RBFOX1: variants seen among roughly 807,000 people sequenced by gnomAD.
RBFOX1 encodes the protein RNA binding protein fox-1 homolog 1.
Under a neutral mutation model 57.7 loss-of-function variants are expected in RBFOX1, and 8 were observed. That is an observed-to-expected ratio of 0.14 (90% CI 0.08 to 0.25). RBFOX1 has a LOEUF of 0.25. Among genes scored for constraint, RBFOX1 ranks in the 10% least tolerant of loss-of-function variants. The probability of loss-of-function intolerance (pLI) is 1.00; values close to 1 mark genes in which losing one functional copy is unlikely to be tolerated. For synonymous variants in RBFOX1, 326 were observed against 222.4 expected (o/e 1.47, Z -4.15); for missense variants, 611 against 548.5 (o/e 1.11, Z -1.14).
chr16:5,992,995 T>A (rs1342714772), intron 4 of RBFOX1, among the ~76,000 whole-genome samples: 1 of 152,120 alleles, frequency 6.6e-6, no homozygotes. Context: ...CTTGAGTCAG[T>A]AGTAGGACAT....
chr16:5,874,285 C>A (rs1163973602), intron 4 of RBFOX1, among the ~76,000 whole-genome samples: 1 of 152,158 alleles, frequency 6.6e-6, no homozygotes, highest in Non-Finnish European at 1.5e-5. Flanking sequence ...GGTCCTCTGG[C>A]TTGAAGGAAA....
chr16:7,444,878 A>T (rs979725857), intron 4 of RBFOX1, among the ~76,000 whole-genome samples: 1 of 152,164 alleles, frequency 6.6e-6, no homozygotes, highest in Non-Finnish European at 1.5e-5. Context: ...GTCTGGGTGA[A>T]TGCAGATAGA....
intron 3 of RBFOX1, among the ~76,000 whole-genome samples, chr16:6,782,316 C>T (rs1475597227): frequency 6.6e-6 from 1 of 152,032 alleles, no homozygotes; most frequent in African/African-American, 2.4e-5. Flanking sequence ...TATAAACTAC[C>T]ATCTTAGTAC....
At chr16:7,366,015 G>C (rs898547099) in intron 4 of RBFOX1, among the ~76,000 whole-genome samples, 9 of 152,210 alleles carry the variant, frequency 5.9e-5, no homozygotes, top group Admixed American at 5.9e-4. Context: ...GAAAGACTCT[G>C]TGTCAGAAAC....
At chr16:6,159,193 C>T (rs1006741807) in intron 1 of RBFOX1, among the ~76,000 whole-genome samples, 4 of 152,182 alleles carry the variant, frequency 2.6e-5, no homozygotes, top group Admixed American at 6.5e-5. Context: ...TCTCCTGCCT[C>T]GGCCTCCCGA....
At chr16:7,233,166 A>T (rs960347003) in intron 4 of RBFOX1, among the ~76,000 whole-genome samples, 1 of 151,306 alleles carries the variant, frequency 6.6e-6, no homozygotes, top group Non-Finnish European at 1.5e-5. Flanking sequence ...AACCACCTTC[A>T]TATAAAGCCC....
chr16:6,254,229 C>T (rs1235012428), intron 1 of RBFOX1, among the ~76,000 whole-genome samples: 1 of 152,108 alleles, frequency 6.6e-6, no homozygotes, highest in African/African-American at 2.4e-5. Context: ...GGTTATCATG[C>T]AGTGAGCCTG....
chr16:5,981,924 C>A (rs1181586491), intron 4 of RBFOX1, among the ~76,000 whole-genome samples: 1 of 152,218 alleles, frequency 6.6e-6, no homozygotes, highest in African/African-American at 2.4e-5. Context: ...ATAGTGCACC[C>A]CCTCACCACA....
intron 4 of RBFOX1, among the ~76,000 whole-genome samples, chr16:7,189,242 A>T (rs1346386460): frequency 6.6e-6 from 1 of 151,656 alleles, no homozygotes; most frequent in Non-Finnish European, 1.5e-5. Context: ...TGGCTAACAC[A>T]GTGAAACCCC....
In RBFOX1 at chr16:7,231,027, A is replaced by G. The variant is rs145868168; in HGVS notation, c.27+178929A>G. 2.0e-3 allele frequency among the ~76,000 whole-genome samples: 304 copies of G among 152,210 alleles called. 1 individual carries two copies. The highest frequency in any genetic ancestry group is 7.0e-3 in the African/African-American group (292 of 41,534). ...CCATGGTACCTGAACAAGCACCTCT[A>G]GCCCCCTGAGCATCAGGGATCTTTC... On this transcript the variant is annotated intron_variant, in intron 4 of 15. Transcript: ENST00000550418.
intron 4 of RBFOX1, among the ~76,000 whole-genome samples, chr16:7,062,339 GAAAAGAA>G (rs1235605526): frequency 7.0e-5 from 8 of 113,572 alleles, no homozygotes; most frequent in South Asian, 3.0e-4. Flanking sequence ...AAAAAAAAAA[GAAAAGAA>G]AAAAGGAAAA....
intron 3 of RBFOX1, among the ~76,000 whole-genome samples, chr16:7,025,432 T>C (rs1348423114): frequency 6.6e-6 from 1 of 152,134 alleles, no homozygotes; most frequent in Non-Finnish European, 1.5e-5. Flanking sequence ...TCCTATTTTA[T>C]CGTATGACTT....
At chr16:6,956,144 G>A (rs1046545915) in intron 3 of RBFOX1, among the ~76,000 whole-genome samples, 1 of 152,182 alleles carries the variant, frequency 6.6e-6, no homozygotes, top group African/African-American at 2.4e-5. Flanking sequence ...GACCTGGACA[G>A]ATTGCTAAGT....
chr16:6,842,207 G>C (rs1379296639), intron 3 of RBFOX1, among the ~76,000 whole-genome samples: 1 of 151,868 alleles, frequency 6.6e-6, no homozygotes, highest in East Asian at 1.9e-4. Context: ...CTGAGTGTTA[G>C]CTATTTGAGT....
intron 1 of RBFOX1, among the ~76,000 whole-genome samples, chr16:5,367,036 CAA>C (rs1234091932): frequency 6.6e-6 from 1 of 152,150 alleles, no homozygotes; most frequent in Non-Finnish European, 1.5e-5. Flanking sequence ...TTAATAAAAA[CAA>C]AGATGGTATG....
chr16:6,203,419 G>T (rs1345578382), intron 1 of RBFOX1, among the ~76,000 whole-genome samples: 1 of 152,074 alleles, frequency 6.6e-6, no homozygotes, highest in African/African-American at 2.4e-5. Context: ...ATCCAAAAAG[G>T]ATTTACTTCC....
intron 2 of RBFOX1, among the ~76,000 whole-genome samples, chr16:6,343,705 G>A (rs779803501): frequency 1.3e-5 from 2 of 152,158 alleles, no homozygotes; most frequent in Non-Finnish European, 2.9e-5. Flanking sequence ...TAATACAAAT[G>A]CATGTCAAAC....
chr16:7,045,700 G>A (rs886923433), intron 3 of RBFOX1, among the ~76,000 whole-genome samples: 2 of 151,940 alleles, frequency 1.3e-5, no homozygotes, highest in African/African-American at 2.4e-5. Context: ...TGTTGCCCAG[G>A]CTGGAGTGCA....
At chr16:6,645,985 C>G (rs2098531200) in intron 2 of RBFOX1, among the ~76,000 whole-genome samples, 1 of 152,172 alleles carries the variant, frequency 6.6e-6, no homozygotes, top group African/African-American at 2.4e-5. Context: ...CTGTCGCCAG[C>G]AAGTGAGCCT....
Sources: gnomAD v4.1 joint callset for allele counts (sites outside exome capture counted in the v4.1 genomes callset) on GRCh38, gnomAD v4.1.1 for gene constraint, MANE v1.5 for transcripts, NCBI Gene and HGNC (gene_info 2026-07-23, HGNC 2026-07-21) for gene names.